ANKFY1: variants seen among roughly 807,000 people sequenced by gnomAD.
The protein encoded by ANKFY1 is ankyrin repeat and FYVE domain containing 1, also known as ankyrin repeat and FYVE domain-containing protein 1.
ANKFY1 carries 47 observed loss-of-function variants against 128.3 expected under a neutral mutation model. That is an observed-to-expected ratio of 0.37 (90% CI 0.29 to 0.47). The LOEUF (loss-of-function observed/expected upper bound fraction) is 0.47, where lower values mean the gene tolerates loss of function less well. ANKFY1 is among the 20% of genes least tolerant of loss of function. The pLI, the probability that ANKFY1 is intolerant of heterozygous loss-of-function variation, is 1.00. For synonymous variants in ANKFY1, 553 were observed against 601.6 expected (o/e 0.92, Z 1.18); for missense variants, 1,222 against 1,510.6 (o/e 0.81, Z 3.17).
At position 4,181,261 on chromosome 17, in the gene ANKFY1, T is replaced by C. The variant is rs1284645528; in HGVS notation, c.2233A>G (p.Ile745Val). The change falls in exon 16 of 25, where the codon ATT (isoleucine) becomes GTT (valine). Residue 745 changes from isoleucine to valine, a missense_variant. Ile to Val is a conservative substitution (Grantham distance 29). Coordinates refer to ENST00000341657, the MANE Select transcript of ANKFY1 (RefSeq NM_001330063.2). The surrounding 1 kb of genome is among the most constrained non-coding windows in gnomAD (Gnocchi z 4.9). ...ENNEPTACFL[I>V]RSGCDVNSPR... ...TACTGGGGACTCTCAGACCTGCGAA[T>C]AAGAAAGCAGGCGGTGGGCTCGTTG... The C allele has an allele frequency of 6.2e-7, 1 of 1,613,596 alleles. No homozygotes were observed. The highest frequency in any genetic ancestry group is 1.1e-5 in the South Asian group (1 of 91,068).
chr17:4,260,880 A>AC (rs1242952361), intron 1 of ANKFY1, among the ~76,000 whole-genome samples: 2 of 152,160 alleles, frequency 1.3e-5, no homozygotes, highest in African/African-American at 2.4e-5. Flanking sequence ...TGGCCAACCA[A>AC]CCATTATCAG....
chr17:4,170,391 T>A (rs2059294426), intron 23 of ANKFY1, among the ~76,000 whole-genome samples: 1 of 152,024 alleles, frequency 6.6e-6, no homozygotes, highest in African/African-American at 2.4e-5. Context: ...AGGATCTGAG[T>A]CAGTCTCAAG....
In ANKFY1 at chr17:4,178,875, C is replaced by A. The variant is rs1206081143; in HGVS notation, c.2580G>T (p.Glu860Asp). ...CACTCACCTGCTCAGCAGCCCCGGA[C>A]TCTCGTTTGAGAATGGCCTCGGCTG... ...NKSAEAILKR[E>D]SGAAEQVDNK... The change falls in exon 18 of 25, where the codon GAG becomes GAT. Residue 860 changes from glutamate (E) to aspartate (D), a missense_variant. Coordinates refer to ENST00000341657, the MANE Select transcript of ANKFY1 (RefSeq NM_001330063.2). This position sits in a 1 kb window ranked among gnomAD's most constrained non-coding sequence, Gnocchi z 4.1. The A allele has an allele frequency of 6.2e-7, 1 of 1,614,142 alleles. No individual in the cohort carries two copies. Among genetic ancestry groups the A allele is most frequent in the African/African-American group, 1.3e-5 (1 of 74,946 alleles).
chr17:4,242,245 A>C lies in ANKFY1; in HGVS notation c.203+11T>G. ...AGCCAAAGGGCCTTCTGTGTCTAGG[A>C]GCTCTCCCACCTGTACTGCTCCTGC... On this transcript the variant is annotated intron_variant, in intron 2 of 24. Coordinates refer to ENST00000341657, the MANE Select transcript of ANKFY1 (RefSeq NM_001330063.2). The C allele has an allele frequency of 6.6e-7, 1 of 1,513,318 alleles. No individual in the cohort carries two copies. The highest frequency in any genetic ancestry group is 1.3e-5 in the South Asian group (1 of 77,510). 93.7% of individuals were successfully genotyped at this position (1,513,318 alleles called of 1,614,324 possible).
intron 6 of ANKFY1, among the ~76,000 whole-genome samples, chr17:4,207,632 T>C (rs982479524): frequency 1.3e-5 from 2 of 151,378 alleles, no homozygotes; most frequent in South Asian, 2.1e-4. Flanking sequence ...TAATTTATTA[T>C]AGCAGCAAAA....
intron 11 of ANKFY1, 44 bp downstream of exon 11, chr17:4,189,338 C>T (rs780862655): frequency 6.7e-7 from 1 of 1,502,900 alleles, no homozygotes. Context: ...GCCATTTCTT[C>T]CATAGATCAA....
chr17:4,217,205 A>G lies in ANKFY1; in HGVS notation c.323-87T>C, dbSNP rs570531160. 35 of 1,465,030 alleles carry G rather than the reference A, an allele frequency of 2.4e-5. No homozygotes were observed. The Admixed American group carries it at 6.3e-4, about 27-fold the overall frequency. The allele number at this position is 1,465,030 out of a possible 1,614,324, so 90.8% of individuals were successfully genotyped here. On this transcript the variant is annotated intron_variant, in intron 3 of 24. Transcript: ENST00000341657. Reference sequence around the variant, plus strand: ...GGGATCCCTAAAATTTGAGGCTAATAAAGTAAATGACAGTATACCCAACTT... The same window carrying G: ...GGGATCCCTAAAATTTGAGGCTAATGAAGTAAATGACAGTATACCCAACTT...
At position 4,189,643 on chromosome 17, in the gene ANKFY1, G is replaced by C. The variant is rs113128177; in HGVS notation, c.1373-164C>G. ...CGCCAGACAGTAGGCCCACGCCAGA[G>C]AGTAGGCCCACGCCAGAGAGTAGGC... On this transcript the variant is annotated intron_variant, in intron 10 of 24. Coordinates refer to ENST00000341657, the MANE Select transcript of ANKFY1 (RefSeq NM_001330063.2). Among the ~76,000 whole-genome samples, 3,510 of 138,334 alleles carry C rather than the reference G, an allele frequency of 0.025. 147 individuals are homozygous for C. Among genetic ancestry groups the C allele is most frequent in the African/African-American group, 0.091 (3,236 of 35,746 alleles). The allele number at this position is 138,334 out of a possible 152,430, so 90.8% of individuals were successfully genotyped here.
In ANKFY1 at chr17:4,183,816, C is replaced by A; in HGVS notation, c.1794G>T (p.Trp598Cys). ...RDQTVLGLAL[W>C]TGMHTIAAQL... ...GCGGCCCCGGCACAGCCTTACCAGT[C>A]CATAATGCCAGGCCCAGCACAGTCT... The change falls in exon 13 of 25, where the codon TGG (tryptophan) becomes TGT (cysteine). Residue 598 changes from tryptophan (W) to cysteine (C), a missense_variant. Physicochemically the swap from Trp to Cys is radical, Grantham distance 215 (BLOSUM62 -2). Transcript: ENST00000341657. 2 of 1,610,948 alleles carry A rather than the reference C, an allele frequency of 1.2e-6. No homozygotes were observed. Among genetic ancestry groups the A allele is most frequent in the Non-Finnish European group, 1.7e-6 (2 of 1,177,054 alleles).
chr17:4,219,437 G>A (rs940648356), intron 3 of ANKFY1, among the ~76,000 whole-genome samples: 8 of 152,184 alleles, frequency 5.3e-5, no homozygotes, highest in Non-Finnish European at 1.0e-4. Context: ...CCCAGCACAT[G>A]TCCTAACAAG....
intron 2 of ANKFY1, among the ~76,000 whole-genome samples, chr17:4,236,354 G>A (rs1353082643): frequency 1.3e-5 from 2 of 152,164 alleles, no homozygotes; most frequent in African/African-American, 2.4e-5. Context: ...GAAAAACCGT[G>A]AACAAACTAA....
intron 7 of ANKFY1, among the ~76,000 whole-genome samples, chr17:4,200,179 A>T (rs2059902643): frequency 6.6e-6 from 1 of 151,632 alleles, no homozygotes; most frequent in Non-Finnish European, 1.5e-5. Flanking sequence ...CTCCCAGCTC[A>T]GCCTCCTGAG....
intron 1 of ANKFY1, among the ~76,000 whole-genome samples, chr17:4,244,736 T>G (rs144394019): frequency 5.9e-5 from 9 of 152,156 alleles, no homozygotes; most frequent in Non-Finnish European, 1.0e-4. Context: ...CCTACCCAAG[T>G]TTAATCCCCC....
chr17:4,261,543 C>CT (rs1163131670), intron 1 of ANKFY1, among the ~76,000 whole-genome samples: 1 of 152,242 alleles, frequency 6.6e-6, no homozygotes, highest in Non-Finnish European at 1.5e-5. Flanking sequence ...GCTTACCTAG[C>CT]TATCCCCCTG....
intron 1 of ANKFY1, among the ~76,000 whole-genome samples, chr17:4,257,380 C>T (rs1030644806): frequency 2.0e-5 from 3 of 152,188 alleles, no homozygotes; most frequent in Admixed American, 6.5e-5. Context: ...TGATTCCTTT[C>T]GGTAGTATCG....
intron 4 of ANKFY1, among the ~76,000 whole-genome samples, chr17:4,215,150 G>A (rs893300259): frequency 2.6e-5 from 4 of 151,874 alleles, no homozygotes; most frequent in Non-Finnish European, 2.9e-5. Context: ...TTAGCTGGGC[G>A]TGGTGGCAGT....
chr17:4,207,225 G>A (rs1305405120), intron 6 of ANKFY1, among the ~76,000 whole-genome samples: 4 of 151,206 alleles, frequency 2.6e-5, no homozygotes, highest in African/African-American at 4.9e-5. Context: ...CAGAGGGCCC[G>A]ATCTATCTAA....
intron 1 of ANKFY1, among the ~76,000 whole-genome samples, chr17:4,252,947 A>G (rs1257742368): frequency 1.3e-5 from 2 of 152,290 alleles, no homozygotes; most frequent in African/African-American, 4.8e-5. Context: ...AAAAGACTAC[A>G]TACTGTATGA....
intron 3 of ANKFY1, among the ~76,000 whole-genome samples, chr17:4,224,210 T>C (rs2060379229): frequency 6.8e-6 from 1 of 147,172 alleles, no homozygotes; most frequent in Non-Finnish European, 1.5e-5. Flanking sequence ...GACTCACCTT[T>C]GAAGTTTTTT....
Sources: allele counts gnomAD v4.1 joint callset (sites outside exome capture counted in the v4.1 genomes callset), GRCh38; gene constraint gnomAD v4.1.1; non-coding constraint Gnocchi (gnomAD v3.1); transcripts MANE v1.5; gene names NCBI Gene and HGNC (gene_info 2026-07-23, HGNC 2026-07-21).